Variants in DCAF8L2 observed in about 807,000 individuals in gnomAD.
DCAF8L2 encodes the protein DDB1- and CUL4-associated factor 8-like protein 2.
For missense variants in DCAF8L2, 430 were observed against 490.7 expected, an observed-to-expected ratio of 0.88 and a Z score of 1.17; for synonymous variants, 200 against 190.9, an observed-to-expected ratio of 1.05 and a Z score of -0.39.
At chrX:27,538,221 G>A in the DCAF8L2 span, among the ~76,000 whole-genome samples, 1 of 111,036 alleles carries the variant, frequency 9.0e-6, no homozygotes, top group East Asian at 2.8e-4. Context: ...GAAATTCTGA[G>A]CTATCAAATA....
chrX:27,478,366 G>C, the DCAF8L2 span, among the ~76,000 whole-genome samples: 1 of 112,079 alleles, frequency 8.9e-6, no homozygotes, highest in African/African-American at 3.2e-5. Context: ...AGAAAAAGTT[G>C]ACTTTCACTA....
At chrX:27,546,066 C>A in the DCAF8L2 span, among the ~76,000 whole-genome samples, 4 of 111,833 alleles carry the variant, frequency 3.6e-5, no homozygotes, top group African/African-American at 9.8e-5. Context: ...TGCCTATGAG[C>A]CTATAAAATC....
At chrX:27,666,454 T>C (rs1929744418) in intron 2 of DCAF8L2, among the ~76,000 whole-genome samples, 1 of 111,936 alleles carries the variant, frequency 8.9e-6, no homozygotes, top group Non-Finnish European at 1.9e-5. Flanking sequence ...ACAGCTTACA[T>C]GATTTTAAGT....
chrX:27,670,191 TTTG>T (rs1217441183), intron 2 of DCAF8L2, among the ~76,000 whole-genome samples: 4 of 110,692 alleles, frequency 3.6e-5, no homozygotes, highest in Non-Finnish European at 7.6e-5. Flanking sequence ...TGTTTGTTTG[TTTG>T]TTTAGTGCTT....
the DCAF8L2 span, among the ~76,000 whole-genome samples, chrX:27,493,532 G>A: frequency 3.7e-5 from 4 of 108,538 alleles, no homozygotes; most frequent in African/African-American, 6.8e-5. Flanking sequence ...CCAACGTGAC[G>A]AAACCCTGTC....
chrX:27,535,655 A>G, the DCAF8L2 span, among the ~76,000 whole-genome samples: 5 of 111,788 alleles, frequency 4.5e-5, no homozygotes, highest in Admixed American at 4.8e-4. Flanking sequence ...GAATAACTTC[A>G]TGGTGCCAGA....
At chrX:27,610,148 C>T (rs1927088655) in intron 1 of DCAF8L2, among the ~76,000 whole-genome samples, 2 of 111,781 alleles carry the variant, frequency 1.8e-5, no homozygotes, top group Admixed American at 1.9e-4. Flanking sequence ...GGCTTCATGA[C>T]GTTATTCCAG....
the DCAF8L2 span, among the ~76,000 whole-genome samples, chrX:27,515,482 T>G: frequency 5.4e-5 from 6 of 110,937 alleles, no homozygotes; most frequent in African/African-American, 2.0e-4. Flanking sequence ...GAGGTGGAGG[T>G]TGCAGTGAGC....
chrX:27,603,290 G>T (rs745832320), intron 1 of DCAF8L2, among the ~76,000 whole-genome samples: 1 of 111,714 alleles, frequency 9.0e-6, no homozygotes, highest in African/African-American at 3.2e-5. Flanking sequence ...AAGCTTCTGT[G>T]CTCATTTTTG....
At chrX:27,745,279 A>G (rs1922105286) in intron 4 of DCAF8L2, among the ~76,000 whole-genome samples, 1 of 112,315 alleles carries the variant, frequency 8.9e-6, no homozygotes, top group Non-Finnish European at 1.9e-5. Context: ...TCTTTTTGAA[A>G]TTTAATCATT....
chrX:27,500,345 T>C, the DCAF8L2 span, among the ~76,000 whole-genome samples: 2 of 111,647 alleles, frequency 1.8e-5, no homozygotes, highest in African/African-American at 6.5e-5. Context: ...ATAGGAAAGA[T>C]ACAGATCATA....
At chrX:27,537,244 TAAA>T in the DCAF8L2 span, among the ~76,000 whole-genome samples, 1 of 112,342 alleles carries the variant, frequency 8.9e-6, no homozygotes, top group Non-Finnish European at 1.9e-5. Flanking sequence ...TATGAAATCA[TAAA>T]GAATAAAGTC....
chrX:27,613,282 A>T (rs1216965388), intron 1 of DCAF8L2, among the ~76,000 whole-genome samples: 1 of 111,156 alleles, frequency 9.0e-6, no homozygotes, highest in Non-Finnish European at 1.9e-5. Context: ...AATGCTTGTA[A>T]TTTTTGCACA....
intron 1 of DCAF8L2, among the ~76,000 whole-genome samples, chrX:27,629,114 A>T (rs1259393665): frequency 9.0e-6 from 1 of 111,069 alleles, no homozygotes; most frequent in Non-Finnish European, 1.9e-5. Flanking sequence ...TATATTTTGG[A>T]TATTAATCCC....
the DCAF8L2 span, among the ~76,000 whole-genome samples, chrX:27,584,537 A>G: frequency 9.0e-6 from 1 of 110,544 alleles, no homozygotes. Flanking sequence ...TGCCTCTCCA[A>G]TTCCTACTCA....
chrX:27,668,636 A>G (rs1343458973), intron 2 of DCAF8L2, among the ~76,000 whole-genome samples: 1 of 111,865 alleles, frequency 8.9e-6, no homozygotes. Flanking sequence ...ATTACCAGAC[A>G]TTTCTGGTTT....
chrX:27,586,285 C>T (rs1277071408), upstream of DCAF8L2, among the ~76,000 whole-genome samples: 3 of 110,899 alleles, frequency 2.7e-5, no homozygotes, highest in African/African-American at 9.9e-5. Flanking sequence ...TAAAGTTGAA[C>T]ATATGTGTAC....
intron 1 of DCAF8L2, among the ~76,000 whole-genome samples, chrX:27,601,810 A>G (rs1330583275): frequency 9.0e-6 from 1 of 110,970 alleles, no homozygotes; most frequent in Non-Finnish European, 1.9e-5. Context: ...ACAAATCCCC[A>G]TCCTTCTCTG....
chrX:27,746,683 G>C lies in DCAF8L2; in HGVS notation c.-58-155G>C, dbSNP rs550458991. The C allele has an allele frequency of 3.2e-4, 122 of 384,684 alleles. No individual in the cohort carries two copies. In the South Asian group the frequency reaches 7.8e-3, roughly 25 times the overall value. 31.7% of individuals were successfully genotyped at this position (384,684 alleles called of 1,213,427 possible). A position where few individuals can be genotyped will look rare whatever the true frequency, so the allele number is the denominator to read the frequency against. On this transcript the variant is annotated intron_variant, in intron 4 of 4. Transcript: ENST00000451261. ...ATGCTGCGAGGCGGCGAGCAGGTAA[G>C]AAGCTTTTTGAACCTCATGGGATCC... is the stretch of plus-strand genomic sequence containing the variant.
Sources: gnomAD v4.1 joint callset for allele counts (sites outside exome capture counted in the v4.1 genomes callset) on GRCh38, gnomAD v4.1.1 for gene constraint, MANE v1.5 for transcripts, NCBI Gene and HGNC (gene_info 2026-07-23, HGNC 2026-07-21) for gene names.